SPA17: variants seen among roughly 807,000 people sequenced by gnomAD.
The protein encoded by SPA17 is sperm surface protein Sp17.
In SPA17, 7 loss-of-function variants were observed where a neutral mutation model predicts 13.8. The observed-to-expected ratio is 0.51, with a 90% CI of 0.29 to 0.95. The LOEUF is 0.95. Among genes scored for constraint, SPA17 ranks in the 40% least tolerant of loss-of-function variants. The pLI, the probability that SPA17 is intolerant of heterozygous loss-of-function variation, is 0.08. For missense variants in SPA17, 170 were observed against 179.3 expected (o/e 0.95, Z 0.30); for synonymous variants, 61 against 59.0 (o/e 1.03, Z -0.16).
At chr11:124,678,442 G>A (rs1943494856) in intron 2 of SPA17, among the ~76,000 whole-genome samples, 1 of 151,804 alleles carries the variant, frequency 6.6e-6, no homozygotes, top group African/African-American at 2.4e-5. Context: ...CAAAGTGCTG[G>A]AATAACAGCT....
At chr11:124,681,485 T>G (rs1313991014) in intron 3 of SPA17, 26 bp downstream of exon 3, 2 of 1,528,190 alleles carry the variant, frequency 1.3e-6, no homozygotes, top group African/African-American at 2.8e-5. Context: ...GCTGTTGGAT[T>G]TGGCTATTTC....
In SPA17 at chr11:124,696,775, T is replaced by C. The variant is rs1943677622; in HGVS notation, c.*2329T>C. The stretch of plus-strand genomic sequence containing the variant: ...TTCATAGCTTTAAAATCCAATCTTC[T>C]TAATGATCACTCCCAGACCTTTCTC... On this transcript the variant is annotated 3_prime_UTR_variant, in exon 5 of 5. Transcript: ENST00000227135. 6.6e-6 allele frequency: 1 copy of C among 152,196 alleles called. No homozygotes were observed. The highest frequency in any genetic ancestry group is 2.1e-4 in the South Asian group (1 of 4,828). 9.4% of individuals were successfully genotyped at this position (152,196 alleles called of 1,614,324 possible).
intron 3 of SPA17, among the ~76,000 whole-genome samples, chr11:124,689,612 C>T (rs1389538223): frequency 6.6e-6 from 1 of 151,848 alleles, no homozygotes; most frequent in Non-Finnish European, 1.5e-5. Context: ...ATGGTGAAAC[C>T]CATCTCTTCA....
chr11:124,693,300 T>C (rs528941996), intron 4 of SPA17, among the ~76,000 whole-genome samples: 1 of 152,258 alleles, frequency 6.6e-6, no homozygotes, highest in South Asian at 2.1e-4. Flanking sequence ...GGTCCATTAA[T>C]ATGAGATTGA....
chr11:124,681,946 T>G lies in SPA17; in HGVS notation c.225+487T>G, dbSNP rs528624283. Among the ~76,000 whole-genome samples the G allele has an allele frequency of 2.1e-4, 32 of 152,306 alleles. 1 individual carries two copies. Among genetic ancestry groups the G allele is most frequent in the Admixed American group, 9.1e-4 (14 of 15,306 alleles). ...TCCAATTATTTCATTATCATCGATA[T>G]GATATTATTGATACAAAAGACCGGT... On this transcript the variant is annotated intron_variant, in intron 3 of 4. Coordinates refer to ENST00000227135, the MANE Select transcript of SPA17 (RefSeq NM_017425.4).
At chr11:124,693,614 C>G (rs1417063940) in intron 4 of SPA17, among the ~76,000 whole-genome samples, 1 of 152,068 alleles carries the variant, frequency 6.6e-6, no homozygotes, top group Admixed American at 6.5e-5. Context: ...AAAACTATCA[C>G]TGCCAGTGAC....
intron 2 of SPA17, among the ~76,000 whole-genome samples, chr11:124,679,476 A>T (rs1943505101): frequency 6.6e-6 from 1 of 152,206 alleles, no homozygotes; most frequent in Admixed American, 6.5e-5. Flanking sequence ...AACAACATAC[A>T]ATTATGAAAA....
intron 2 of SPA17, among the ~76,000 whole-genome samples, chr11:124,676,680 T>C (rs1160689541): frequency 1.3e-5 from 2 of 152,200 alleles, no homozygotes; most frequent in African/African-American, 4.8e-5. Flanking sequence ...TGATAAACTA[T>C]ATTTAGAAGA....
chr11:124,694,131 G>A (rs1943650627), intron 4 of SPA17, among the ~76,000 whole-genome samples, 172 bp from the exon 5 acceptor site: 1 of 152,132 alleles, frequency 6.6e-6, no homozygotes, highest in Non-Finnish European at 1.5e-5. Flanking sequence ...TGCTATTTTG[G>A]CATTTGCCAT....
Position 124,695,344 on chromosome 11 carries a change from T to C in SPA17, c.*898T>C, listed in dbSNP as rs916655665. 1 of 152,212 alleles carries C rather than the reference T, an allele frequency of 6.6e-6. No homozygotes were observed. Among genetic ancestry groups the C allele is most frequent in the Admixed American group, 6.5e-5 (1 of 15,280 alleles). 9.4% of individuals were successfully genotyped at this position (152,212 alleles called of 1,614,324 possible). On this transcript the variant is annotated 3_prime_UTR_variant, in exon 5 of 5. Coordinates refer to ENST00000227135, the MANE Select transcript of SPA17 (RefSeq NM_017425.4). ...ACATCATATTGTAAAAAGCAAAAGCTATCATATCATGCTGCCTTCTTCAGT... is the reference window on the plus strand; with the variant it reads ...ACATCATATTGTAAAAAGCAAAAGCCATCATATCATGCTGCCTTCTTCAGT...
intron 1 of SPA17, chr11:124,674,942 C>T (rs971675289): frequency 1.1e-5 from 2 of 176,020 alleles, no homozygotes; most frequent in Non-Finnish European, 2.4e-5. Context: ...GCAAAAATTA[C>T]CCTTACCTTT....
chr11:124,680,092 A>G (rs777574230), intron 2 of SPA17, among the ~76,000 whole-genome samples: 15 of 152,326 alleles, frequency 9.8e-5, no homozygotes, highest in South Asian at 4.1e-4. Context: ...TTGATGAGGA[A>G]AAGTTTTCCT....
At chr11:124,679,132 T>C (rs1350439797) in intron 2 of SPA17, among the ~76,000 whole-genome samples, 1 of 145,096 alleles carries the variant, frequency 6.9e-6, no homozygotes, top group Non-Finnish European at 1.5e-5. Flanking sequence ...TGAGACTCTG[T>C]CTCAAAAAAA....
intron 3 of SPA17, among the ~76,000 whole-genome samples, chr11:124,686,433 C>G (rs530376994): frequency 6.6e-6 from 1 of 152,294 alleles, no homozygotes; most frequent in African/African-American, 2.4e-5. Context: ...TGACTTTAAA[C>G]AAATGGACCT....
chr11:124,690,967 A>G (rs1190120075), intron 3 of SPA17, among the ~76,000 whole-genome samples: 1 of 150,624 alleles, frequency 6.6e-6, no homozygotes, highest in Non-Finnish European at 1.5e-5. Flanking sequence ...TTTTATTTGT[A>G]TTCATGTTTA....
chr11:124,679,095 C>G (rs1195887045), intron 2 of SPA17, among the ~76,000 whole-genome samples: 1 of 151,306 alleles, frequency 6.6e-6, no homozygotes, highest in South Asian at 2.1e-4. Flanking sequence ...CGAGATCGCA[C>G]CACTGCACTC....
At chr11:124,690,808 G>T (rs1943617248) in intron 3 of SPA17, among the ~76,000 whole-genome samples, 1 of 152,102 alleles carries the variant, frequency 6.6e-6, no homozygotes, top group African/African-American at 2.4e-5. Context: ...AATTAACAAA[G>T]TTCAAGTTCT....
At chr11:124,679,182 C>T (rs1591403496) in intron 2 of SPA17, among the ~76,000 whole-genome samples, 1 of 148,216 alleles carries the variant, frequency 6.7e-6, no homozygotes, top group Non-Finnish European at 1.5e-5. Context: ...CAAAGTGAAA[C>T]ATATGAGCCT....
chr11:124,696,346 C>T lies in SPA17; in HGVS notation c.*1900C>T, dbSNP rs368048272. Reference sequence around the variant, plus strand: ...TTATGCAAAGACTTAGATTCCCTGACCTGGAGAGATCAGAAGAGGAAAAAA... The same window carrying T: ...TTATGCAAAGACTTAGATTCCCTGATCTGGAGAGATCAGAAGAGGAAAAAA... On this transcript the variant is annotated 3_prime_UTR_variant, in exon 5 of 5. Transcript: ENST00000227135. 14 of 151,848 alleles carry T rather than the reference C, an allele frequency of 9.2e-5. No homozygotes were observed. Among genetic ancestry groups the T allele is most frequent in the East Asian group, 5.8e-4 (3 of 5,150 alleles). 9.4% of individuals were successfully genotyped at this position (151,848 alleles called of 1,614,324 possible).
Sources: gnomAD v4.1 joint callset for allele counts (sites outside exome capture counted in the v4.1 genomes callset) on GRCh38, gnomAD v4.1.1 for gene constraint, MANE v1.5 for transcripts, NCBI Gene and HGNC (gene_info 2026-07-23, HGNC 2026-07-21) for gene names.